AMPH: variants seen among roughly 807,000 people sequenced by gnomAD.
The protein encoded by AMPH is amphiphysin, also known as amphiphysin (Stiff-Mann syndrome with breast cancer 128kD autoantigen).
A neutral mutation model predicts 99.1 loss-of-function variants in AMPH; 49 were observed. The observed-to-expected ratio is 0.49, with a 90% CI of 0.39 to 0.63. The LOEUF is 0.63. Ranked by LOEUF, AMPH falls within the 20% of genes least tolerant of loss-of-function variation. AMPH has a pLI of 0.00. For synonymous variants in AMPH, 314 were observed against 317.3 expected (o/e 0.99, Z 0.11); for missense variants, 759 against 863.4 (o/e 0.88, Z 1.52).
chr7:38,503,325 C>T (rs951420965), intron 3 of AMPH, among the ~76,000 whole-genome samples: 2 of 152,196 alleles, frequency 1.3e-5, no homozygotes, highest in Non-Finnish European at 2.9e-5. Flanking sequence ...TGGTCTCCCT[C>T]AGGAGGTAAG....
chr7:38,462,845 A>C, intron 10 of AMPH, 130 bp downstream of exon 10: 1 of 1,018,702 alleles, frequency 9.8e-7, no homozygotes, highest in Non-Finnish European at 1.4e-6. Flanking sequence ...CACAATGCCT[A>C]AAGCCTCACA....
intron 1 of AMPH, among the ~76,000 whole-genome samples, chr7:38,601,739 T>C (rs1738103835): frequency 6.6e-6 from 1 of 152,218 alleles, no homozygotes; most frequent in Admixed American, 6.5e-5. Flanking sequence ...CTGTGTAACT[T>C]TGTCTGAGTG....
chr7:38,439,787 G>A (rs889432816), intron 11 of AMPH, among the ~76,000 whole-genome samples: 4 of 152,080 alleles, frequency 2.6e-5, no homozygotes, highest in Non-Finnish European at 5.9e-5. Flanking sequence ...ATAATCATCT[G>A]TACTATGTTT....
chr7:38,407,261 A>G (rs1205624437), intron 17 of AMPH, among the ~76,000 whole-genome samples: 2 of 143,062 alleles, frequency 1.4e-5, no homozygotes, highest in Admixed American at 7.1e-5. Context: ...CTAACTATCT[A>G]TCTATCTAGC....
Position 38,511,636 on chromosome 7 carries a change from G to C in AMPH, c.151-7932C>G, listed in dbSNP as rs373104629. 2.8e-4 allele frequency among the ~76,000 whole-genome samples: 43 copies of C among 152,274 alleles called. No homozygotes were observed. The East Asian group carries it at 5.8e-3, about 20-fold the overall frequency. ...TGAAAATTTTTATGACAGATACTCA[G>C]TTTTCTCACGTAAAACAGAATTGTA... On this transcript the variant is annotated intron_variant, in intron 2 of 20. Coordinates refer to ENST00000356264, the MANE Select transcript of AMPH (RefSeq NM_001635.4).
chr7:38,429,685 G>A (rs779990760), intron 14 of AMPH, 157 bp downstream of exon 14: 6 of 1,291,242 alleles, frequency 4.6e-6, no homozygotes, highest in Non-Finnish European at 6.4e-6. Context: ...AGTAGCACCA[G>A]TAAAACCAAA....
At chr7:38,614,380 T>A (rs951199175) in intron 1 of AMPH, among the ~76,000 whole-genome samples, 8 of 152,092 alleles carry the variant, frequency 5.3e-5, no homozygotes, top group African/African-American at 1.7e-4. Context: ...GAAAAGCACC[T>A]GGAAAGATGA....
At chr7:38,596,728 C>T (rs1793072186) in intron 1 of AMPH, among the ~76,000 whole-genome samples, 1 of 152,070 alleles carries the variant, frequency 6.6e-6, no homozygotes, top group African/African-American at 2.4e-5. Flanking sequence ...TGTCCTTTAC[C>T]ATACCTCTTG....
intron 1 of AMPH, among the ~76,000 whole-genome samples, chr7:38,615,568 G>T (rs1793844899): frequency 6.6e-6 from 1 of 152,078 alleles, no homozygotes; most frequent in African/African-American, 2.4e-5. Context: ...AACAAAAGTG[G>T]AAGAAAATAT....
intron 20 of AMPH, 110 bp downstream of exon 20, chr7:38,389,694 G>T: frequency 2.3e-6 from 2 of 854,738 alleles, no homozygotes; most frequent in Non-Finnish European, 1.9e-6. Context: ...CTTTTCAGAT[G>T]GCTTGTAGCA....
At chr7:38,399,341 G>A (rs1453332999) in intron 17 of AMPH, among the ~76,000 whole-genome samples, 4 of 152,136 alleles carry the variant, frequency 2.6e-5, no homozygotes, top group Admixed American at 6.5e-5. Flanking sequence ...GATGATCAGG[G>A]GGCATCAGTC....
chr7:38,504,884 A>G (rs1242819570), intron 2 of AMPH, among the ~76,000 whole-genome samples: 1 of 152,216 alleles, frequency 6.6e-6, no homozygotes, highest in Admixed American at 6.5e-5. Flanking sequence ...ATGCATTTTA[A>G]TTGCATAGTC....
In AMPH at chr7:38,407,064, A is replaced by C. The variant is rs1378904165; in HGVS notation, c.1398+10761T>G. Among the ~76,000 whole-genome samples, 48 of 21,238 alleles carry C rather than the reference A, an allele frequency of 2.3e-3. 2 individuals carry two copies. In the East Asian group the frequency reaches 0.067, roughly 29 times the overall value. The allele number at this position is 21,238 out of a possible 152,430, so 13.9% of individuals were successfully genotyped here. A position where few individuals can be genotyped will look rare whatever the true frequency, so the allele number is the denominator to read the frequency against. On this transcript the variant is annotated intron_variant, in intron 17 of 20. Coordinates refer to ENST00000356264, the MANE Select transcript of AMPH (RefSeq NM_001635.4). ...TCTCTCTCTCTATATATATATATAT[A>C]TATATATATATATGTGTGTGTGTGT... is the stretch of plus-strand genomic sequence containing the variant.
At chr7:38,631,130 C>T (rs926736930) in intron 1 of AMPH, among the ~76,000 whole-genome samples, 153 bp downstream of exon 1, 3 of 151,812 alleles carry the variant, frequency 2.0e-5, no homozygotes, top group African/African-American at 7.2e-5. Context: ...AGTCACCGAG[C>T]TGAGGGCAGG....
chr7:38,611,631 C>T (rs1793682447), intron 1 of AMPH, among the ~76,000 whole-genome samples: 1 of 152,200 alleles, frequency 6.6e-6, no homozygotes, highest in African/African-American at 2.4e-5. Flanking sequence ...GTAGGAAATA[C>T]CACTTTGGCT....
intron 11 of AMPH, among the ~76,000 whole-genome samples, chr7:38,449,977 G>T (rs2129002673): frequency 6.6e-6 from 1 of 152,250 alleles, no homozygotes; most frequent in Non-Finnish European, 1.5e-5. Flanking sequence ...AGTTCAATTG[G>T]CTAGGGAAAA....
At chr7:38,613,511 G>A (rs183676297) in intron 1 of AMPH, among the ~76,000 whole-genome samples, 3 of 152,230 alleles carry the variant, frequency 2.0e-5, no homozygotes, top group East Asian at 1.9e-4. Flanking sequence ...ACAGATAATC[G>A]GGATAATTTC....
intron 1 of AMPH, among the ~76,000 whole-genome samples, chr7:38,569,529 CA>C (rs997514960): frequency 4.4e-4 from 66 of 149,176 alleles, no homozygotes; most frequent in African/African-American, 1.6e-3. Flanking sequence ...AGAACCGAAA[CA>C]GAAAAAAAAA....
At chr7:38,441,795 A>ATCTGATATATATCATATATC (rs58951014) in intron 11 of AMPH, among the ~76,000 whole-genome samples, 3 of 110,502 alleles carry the variant, frequency 2.7e-5, no homozygotes, top group East Asian at 4.8e-4. Flanking sequence ...TCTGTCATAT[A>ATCTGATATATATCATATATC]TATCATATAT....
Sources: allele counts gnomAD v4.1 joint callset (sites outside exome capture counted in the v4.1 genomes callset), GRCh38; gene constraint gnomAD v4.1.1; transcripts MANE v1.5; gene names NCBI Gene and HGNC (gene_info 2026-07-23, HGNC 2026-07-21).